ZDHHC2: variants seen among roughly 807,000 people sequenced by gnomAD.
ZDHHC2 encodes the protein palmitoyltransferase ZDHHC2.
Under a neutral mutation model 55.6 loss-of-function variants are expected in ZDHHC2, and 51 were observed. The ratio of observed to expected loss-of-function variants is 0.92; its 90% CI spans 0.73 to 1.16. The LOEUF is 1.16. Among genes scored for constraint, ZDHHC2 ranks in the 50% most tolerant of loss-of-function variants. The pLI is 0.00. For missense variants in ZDHHC2, 491 were observed against 442.4 expected (o/e 1.11, Z -0.99); for synonymous variants, 199 against 152.9 (o/e 1.30, Z -2.22).
intron 4 of ZDHHC2, among the ~76,000 whole-genome samples, chr8:17,196,522 G>C (rs1007763642): frequency 9.2e-5 from 14 of 151,762 alleles, no homozygotes; most frequent in African/African-American, 3.1e-4. Flanking sequence ...CCACTGCACT[G>C]CCGCCTGGGT....
chr8:17,174,055 G>A (rs530555653), intron 1 of ZDHHC2, among the ~76,000 whole-genome samples: 24 of 151,658 alleles, frequency 1.6e-4, no homozygotes, highest in African/African-American at 5.6e-4. Context: ...CAACCCTGCC[G>A]GCACCTCAAT....
At chr8:17,178,632 T>C (rs1189371717) in intron 1 of ZDHHC2, among the ~76,000 whole-genome samples, 2 of 152,216 alleles carry the variant, frequency 1.3e-5, no homozygotes, top group Non-Finnish European at 2.9e-5. Flanking sequence ...GGCATCTAGC[T>C]GTGTTTGGAC....
chr8:17,158,606 T>C lies in ZDHHC2; in HGVS notation c.130+1753T>C, dbSNP rs1804182508. On this transcript the variant is annotated intron_variant, in intron 1 of 12. Transcript: ENST00000262096. ...GGAACTAAATGGAAAATTGGTATTA[T>C]ATCTGAATCGTATGTTTATATGTAC... Among the ~76,000 whole-genome samples the C allele has an allele frequency of 2.0e-5, 3 of 152,252 alleles. No homozygotes were observed. In the South Asian group the frequency reaches 6.2e-4, roughly 32 times the overall value.
intron 6 of ZDHHC2, among the ~76,000 whole-genome samples, chr8:17,199,668 C>T (rs544518003): frequency 6.3e-4 from 77 of 121,660 alleles, no homozygotes; most frequent in Middle Eastern, 4.7e-3. Flanking sequence ...TCCCTCCTCC[C>T]TCCTTCTTCT....
chr8:17,157,222 T>C (rs1030316558), intron 1 of ZDHHC2, among the ~76,000 whole-genome samples: 1 of 152,120 alleles, frequency 6.6e-6, no homozygotes, highest in South Asian at 2.1e-4. Context: ...GCTGAAGGGC[T>C]GAGCTGGGCC....
chr8:17,159,717 A>G (rs1400110508), intron 1 of ZDHHC2, among the ~76,000 whole-genome samples: 3 of 152,134 alleles, frequency 2.0e-5, no homozygotes, highest in Non-Finnish European at 4.4e-5. Flanking sequence ...AGAGTCAAGT[A>G]TTTTTGGTTA....
At chr8:17,169,516 A>AGATGGAAAT (rs1319215786) in intron 1 of ZDHHC2, among the ~76,000 whole-genome samples, 1 of 152,226 alleles carries the variant, frequency 6.6e-6, no homozygotes, top group Non-Finnish European at 1.5e-5. Context: ...ACATATTAGC[A>AGATGGAAAT]GATGGAAATG....
chr8:17,193,763 G>A (rs535485195), intron 3 of ZDHHC2, among the ~76,000 whole-genome samples: 1 of 149,186 alleles, frequency 6.7e-6, no homozygotes, highest in Non-Finnish European at 1.5e-5. Flanking sequence ...TCCATCAGTG[G>A]CTTATTAGCA....
rs371414316 is a variant in ZDHHC2 at position 17,197,594 on chromosome 8, G to T, written c.386G>T (p.Cys129Phe). ...TRTMSGAIRY[C>F]DRCQLIKPDR... ...TTTTTGTCCCTAGCCATCCGATACT[G>T]TGACAGATGCCAACTTATAAAACCA... Residue 129 changes from cysteine to phenylalanine, a missense_variant, in exon 5 of 13, where the codon TGT (cysteine) becomes TTT (phenylalanine). Coordinates refer to ENST00000262096, the MANE Select transcript of ZDHHC2 (RefSeq NM_016353.5). 2 of 1,613,626 alleles carry T rather than the reference G, an allele frequency of 1.2e-6. No individual in the cohort carries two copies. Among genetic ancestry groups the T allele is most frequent in the Non-Finnish European group, 1.7e-6 (2 of 1,179,648 alleles).
chr8:17,160,298 T>A (rs1440028075), intron 1 of ZDHHC2, among the ~76,000 whole-genome samples: 1 of 152,228 alleles, frequency 6.6e-6, no homozygotes, highest in Non-Finnish European at 1.5e-5. Flanking sequence ...CCATTTTTCT[T>A]AAATATATTA....
At chr8:17,190,439 G>A (rs1805959409) in intron 3 of ZDHHC2, among the ~76,000 whole-genome samples, 1 of 152,066 alleles carries the variant, frequency 6.6e-6, no homozygotes, top group African/African-American at 2.4e-5. Flanking sequence ...AAAACGCAAG[G>A]TCTTGGGCTA....
At position 17,217,262 on chromosome 8, in the gene ZDHHC2, C is replaced by T. The variant is rs999739627; in HGVS notation, c.*34+16C>T. The T allele has an allele frequency of 5.8e-6, 9 of 1,543,136 alleles. No individual in the cohort carries two copies. Among genetic ancestry groups the T allele is most frequent in the Non-Finnish European group, 7.9e-6 (9 of 1,135,098 alleles). On this transcript the variant is annotated intron_variant, in intron 12 of 12. Coordinates refer to ENST00000262096, the MANE Select transcript of ZDHHC2 (RefSeq NM_016353.5). ...CTTTATAAAAGTACGATAATTTTCC[C>T]TTTATTGTTTTATATTTTTAACAGT...
chr8:17,173,172 C>T (rs1238771147), intron 1 of ZDHHC2, among the ~76,000 whole-genome samples: 2 of 152,172 alleles, frequency 1.3e-5, no homozygotes, highest in East Asian at 3.9e-4. Flanking sequence ...AGCCCAGTGG[C>T]TGCGAGGCAT....
At chr8:17,166,938 A>T (rs968789735) in intron 1 of ZDHHC2, among the ~76,000 whole-genome samples, 1 of 152,168 alleles carries the variant, frequency 6.6e-6, no homozygotes, top group Non-Finnish European at 1.5e-5. Context: ...AGTTGCTGGG[A>T]TATCTGAATT....
chr8:17,197,834 A>T (rs1295918094), intron 5 of ZDHHC2, among the ~76,000 whole-genome samples, 183 bp downstream of exon 5: 1 of 152,170 alleles, frequency 6.6e-6, no homozygotes, highest in African/African-American at 2.4e-5. Context: ...GCCACAGTCA[A>T]GTGTCAATTT....
At chr8:17,205,344 C>G (rs1181236841) in intron 6 of ZDHHC2, among the ~76,000 whole-genome samples, 1 of 152,172 alleles carries the variant, frequency 6.6e-6, no homozygotes, top group African/African-American at 2.4e-5. Context: ...CCTAAGCTGC[C>G]TGGCCTGATA....
chr8:17,198,530 A>T, intron 6 of ZDHHC2, 117 bp downstream of exon 6: 1 of 939,986 alleles, frequency 1.1e-6, no homozygotes, highest in Non-Finnish European at 1.5e-6. Flanking sequence ...ACATAGCAGG[A>T]ACTTTTGGAT....
chr8:17,214,897 A>T (rs1807571822), intron 10 of ZDHHC2, among the ~76,000 whole-genome samples: 1 of 152,180 alleles, frequency 6.6e-6, no homozygotes, highest in Non-Finnish European at 1.5e-5. Context: ...CTTCCTCAAA[A>T]ATAAATACAT....
intron 3 of ZDHHC2, among the ~76,000 whole-genome samples, chr8:17,190,777 G>A (rs950230619): frequency 1.3e-5 from 2 of 151,740 alleles, no homozygotes; most frequent in African/African-American, 4.8e-5. Context: ...TTTGATACAG[G>A]CATGCAATGT....
Sources: allele counts gnomAD v4.1 joint callset (sites outside exome capture counted in the v4.1 genomes callset), GRCh38; gene constraint gnomAD v4.1.1; transcripts MANE v1.5; gene names NCBI Gene and HGNC (gene_info 2026-07-23, HGNC 2026-07-21).